PIP5K1B: variants seen among roughly 807,000 people sequenced by gnomAD.
PIP5K1B encodes phosphatidylinositol-4-phosphate 5-kinase type 1 beta, also known as phosphatidylinositol 4-phosphate 5-kinase type-1 beta.
A neutral mutation model predicts 67.0 loss-of-function variants in PIP5K1B; 42 were observed. That is an observed-to-expected ratio of 0.63 (90% CI 0.49 to 0.81). The LOEUF is 0.81. PIP5K1B is among the 30% of genes least tolerant of loss of function. The pLI is 0.00. For missense variants in PIP5K1B, 459 were observed against 646.3 expected (o/e 0.71, Z 3.14); for synonymous variants, 214 against 231.4 (o/e 0.92, Z 0.68).
chr9:68,956,204 C>T (rs1044535498), intron 14 of PIP5K1B, among the ~76,000 whole-genome samples: 2 of 152,194 alleles, frequency 1.3e-5, no homozygotes, highest in Admixed American at 6.6e-5. Flanking sequence ...GGCAAGGTGG[C>T]TCATGCCTGT....
rs1319932358 is a variant in PIP5K1B, at chr9:68,940,802, T to C, written c.1502+12T>C. On this transcript the variant is annotated intron_variant, in intron 14 of 15. Transcript: ENST00000265382. Reference sequence around the variant, plus strand: ...CTCTATTCAAACAGGTAATACTTAGTGCAGTCAAATAACCCATCAGGCTGT... The same window carrying C: ...CTCTATTCAAACAGGTAATACTTAGCGCAGTCAAATAACCCATCAGGCTGT... The C allele has an allele frequency of 6.2e-7, 1 of 1,612,688 alleles. No individual in the cohort carries two copies. Among genetic ancestry groups the C allele is most frequent in the South Asian group, 1.1e-5 (1 of 91,056 alleles).
chr9:68,906,481 T>G (rs1232249726), intron 8 of PIP5K1B, among the ~76,000 whole-genome samples: 1 of 152,218 alleles, frequency 6.6e-6, no homozygotes, highest in Non-Finnish European at 1.5e-5. Flanking sequence ...TGAATTGATA[T>G]ATAACATTCA....
chr9:68,876,870 T>G, intron 6 of PIP5K1B, 76 bp downstream of exon 6: 1 of 783,622 alleles, frequency 1.3e-6, no homozygotes. Context: ...CAGCAACAAG[T>G]GGCTTGTGTC....
intron 14 of PIP5K1B, among the ~76,000 whole-genome samples, chr9:68,988,440 TG>T (rs1452892853): frequency 4.1e-4 from 59 of 142,232 alleles, no homozygotes; most frequent in Non-Finnish European, 6.3e-4. Context: ...GTTGTTTTTT[TG>T]GGGTTTTTTT....
At chr9:69,003,540 G>A (rs1471699527) in intron 15 of PIP5K1B, among the ~76,000 whole-genome samples, 1 of 151,478 alleles carries the variant, frequency 6.6e-6, no homozygotes, top group Non-Finnish European at 1.5e-5. Flanking sequence ...CACAGGACTT[G>A]TCAGTGCTGT....
At chr9:68,876,583 T>C (rs1823909895) in intron 5 of PIP5K1B, 94 bp from the exon 6 acceptor site, 1 of 723,192 alleles carries the variant, frequency 1.4e-6, no homozygotes. Context: ...AGAGATAACA[T>C]TGGCCCAGGA....
Position 68,912,620 on chromosome 9 carries a change from T to C in PIP5K1B, c.772-4928T>C, listed in dbSNP as rs149853217. The stretch of plus-strand genomic sequence containing the variant: ...AATTATTTGGTAGGAATCCCTATTA[T>C]AGAGATAATACAGGTGAGAATAGAT... On this transcript the variant is annotated intron_variant, in intron 8 of 15. Coordinates refer to ENST00000265382, the MANE Select transcript of PIP5K1B (RefSeq NM_003558.4). 4.1e-3 allele frequency among the ~76,000 whole-genome samples: 622 copies of C among 152,262 alleles called. 1 individual carries two copies. Among genetic ancestry groups the C allele is most frequent in the Non-Finnish European group, 6.6e-3 (451 of 68,000 alleles).
At chr9:68,838,177 G>GT (rs200913039) in intron 4 of PIP5K1B, among the ~76,000 whole-genome samples, 78 of 143,504 alleles carry the variant, frequency 5.4e-4, no homozygotes, top group Non-Finnish European at 8.9e-4. Flanking sequence ...CTGACAACCT[G>GT]TTTTTTTTTT....
At chr9:68,823,725 G>T (rs1167604552) in intron 4 of PIP5K1B, among the ~76,000 whole-genome samples, 1 of 152,122 alleles carries the variant, frequency 6.6e-6, no homozygotes, top group Admixed American at 6.5e-5. Context: ...AGAGTAGGAG[G>T]TTTGTGTATT....
intron 11 of PIP5K1B, among the ~76,000 whole-genome samples, chr9:68,921,377 A>G (rs1227910884): frequency 6.6e-6 from 1 of 152,194 alleles, no homozygotes; most frequent in Non-Finnish European, 1.5e-5. Flanking sequence ...AAGAAGGTCA[A>G]TATGGTAGGT....
At chr9:68,780,675 C>A in intron 2 of PIP5K1B, 5 of 1,614,208 alleles carry the variant, frequency 3.1e-6, no homozygotes, top group Non-Finnish European at 4.2e-6. Flanking sequence ...CAACGGATTG[C>A]CTCCAAGCCC....
At chr9:68,750,730 C>T (rs60563877) in intron 2 of PIP5K1B, among the ~76,000 whole-genome samples, 3 of 151,922 alleles carry the variant, frequency 2.0e-5, no homozygotes, top group Non-Finnish European at 2.9e-5. Flanking sequence ...TAAATGGTAT[C>T]GTGTTTAGGT....
intron 2 of PIP5K1B, among the ~76,000 whole-genome samples, chr9:68,785,612 C>G (rs887845681): frequency 6.6e-6 from 1 of 152,210 alleles, no homozygotes; most frequent in Non-Finnish European, 1.5e-5. Flanking sequence ...TAATCTATCA[C>G]TATCATCTGA....
chr9:68,989,094 C>CAAAAAAAAAAAAAAAAAAAAAAAAA (rs71353097), intron 14 of PIP5K1B, among the ~76,000 whole-genome samples: 1 of 55,984 alleles, frequency 1.8e-5, no homozygotes, highest in Non-Finnish European at 3.0e-5. Flanking sequence ...GACTCCGTCT[C>CAAAAAAAAAAAAAAAAAAAAAAAAA]AAAAAAAAAA....
intron 2 of PIP5K1B, among the ~76,000 whole-genome samples, chr9:68,811,052 C>G (rs1331571677): frequency 6.6e-6 from 1 of 152,126 alleles, no homozygotes; most frequent in Non-Finnish European, 1.5e-5. Context: ...AAGTCACAAC[C>G]TCGCTCCTCT....
intron 14 of PIP5K1B, among the ~76,000 whole-genome samples, chr9:68,944,281 T>C (rs958582877): frequency 6.6e-6 from 1 of 152,228 alleles, no homozygotes; most frequent in Non-Finnish European, 1.5e-5. Flanking sequence ...AGGTATAAAT[T>C]GAGCACTAAG....
intron 15 of PIP5K1B, among the ~76,000 whole-genome samples, chr9:68,991,943 G>C (rs12350894): frequency 6.6e-6 from 1 of 151,852 alleles, no homozygotes; most frequent in African/African-American, 2.4e-5. Flanking sequence ...TGTATGCTAC[G>C]TCTTTGTATG....
At chr9:68,749,321 A>G (rs563155069) in intron 2 of PIP5K1B, among the ~76,000 whole-genome samples, 1 of 152,244 alleles carries the variant, frequency 6.6e-6, no homozygotes, top group South Asian at 2.1e-4. Flanking sequence ...GAGTGAAGTG[A>G]TGTGGCTACC....
intron 4 of PIP5K1B, among the ~76,000 whole-genome samples, chr9:68,827,300 T>A (rs1834038121): frequency 6.6e-6 from 1 of 152,200 alleles, no homozygotes; most frequent in South Asian, 2.1e-4. Flanking sequence ...GATTTTATGT[T>A]CTAGGCCAGT....
Sources: gnomAD v4.1 joint callset for allele counts (sites outside exome capture counted in the v4.1 genomes callset) on GRCh38, gnomAD v4.1.1 for gene constraint, MANE v1.5 for transcripts, NCBI Gene and HGNC (gene_info 2026-07-23, HGNC 2026-07-21) for gene names.